The following DLG2 variants were observed in gnomAD, a reference collection of about 807,000 sequenced individuals.
DLG2 encodes discs large MAGUK scaffold protein 2.
Under a neutral mutation model 132.5 loss-of-function variants are expected in DLG2, and 45 were observed. The ratio of observed to expected loss-of-function variants is 0.34; its 90% CI spans 0.27 to 0.44. DLG2 has a LOEUF of 0.44. Among genes scored for constraint, DLG2 ranks in the 20% least tolerant of loss-of-function variants. DLG2 has a pLI of 1.00. For synonymous variants in DLG2, 424 were observed against 419.6 expected, an observed-to-expected ratio of 1.01 and a Z score of -0.13; for missense variants, 1,045 against 1,196.9, an observed-to-expected ratio of 0.87 and a Z score of 1.87.
intron 12 of DLG2, among the ~76,000 whole-genome samples, chr11:83,975,505 T>C (rs1427281007): frequency 6.6e-6 from 1 of 152,074 alleles, no homozygotes; most frequent in Non-Finnish European, 1.5e-5. Context: ...TTATTTAAAA[T>C]ACCAAGAGGT....
intron 4 of DLG2, among the ~76,000 whole-genome samples, chr11:85,191,152 G>GCA (rs1400129477): frequency 1.3e-4 from 17 of 127,328 alleles, no homozygotes; most frequent in African/African-American, 5.3e-4. Flanking sequence ...ATGCGCGCGC[G>GCA]CGCACGCGCG....
chr11:85,284,895 AT>A (rs2078459860), intron 4 of DLG2, among the ~76,000 whole-genome samples: 1 of 151,798 alleles, frequency 6.6e-6, no homozygotes. Context: ...ACACTTCCCT[AT>A]TCTACCATCC....
chr11:85,506,136 G>C (rs966237726), intron 3 of DLG2, among the ~76,000 whole-genome samples: 55 of 151,654 alleles, frequency 3.6e-4, no homozygotes, highest in South Asian at 1.0e-3. Flanking sequence ...CTGGCTAGTG[G>C]TCTATTTTGT....
At chr11:85,510,567 T>C (rs1184479670) in intron 3 of DLG2, among the ~76,000 whole-genome samples, 2 of 151,372 alleles carry the variant, frequency 1.3e-5, no homozygotes, top group Non-Finnish European at 2.9e-5. Flanking sequence ...GCAAAGGATA[T>C]GAACAGACAC....
At chr11:85,202,458 C>G (rs937134605) in intron 4 of DLG2, among the ~76,000 whole-genome samples, 1 of 152,042 alleles carries the variant, frequency 6.6e-6, no homozygotes, top group Admixed American at 6.6e-5. Context: ...GGGACTTTAG[C>G]ACCCTATTTT....
At chr11:84,966,358 C>A (rs1469751393) in intron 6 of DLG2, among the ~76,000 whole-genome samples, 1 of 152,072 alleles carries the variant, frequency 6.6e-6, no homozygotes. Flanking sequence ...CCATCTTTCT[C>A]ACATAATATG....
intron 7 of DLG2, among the ~76,000 whole-genome samples, chr11:84,254,856 T>C (rs11233965): frequency 0.021 from 3,241 of 152,270 alleles, 110 homozygotes; most frequent in African/African-American, 0.073. Context: ...TGCTAACACC[T>C]ACCTCTCTAA....
intron 21 of DLG2, among the ~76,000 whole-genome samples, chr11:83,498,085 T>C (rs2094245675): frequency 6.6e-6 from 1 of 152,158 alleles, no homozygotes; most frequent in South Asian, 2.1e-4. Flanking sequence ...TTAGTTGTAC[T>C]ATACTTTTCT....
chr11:83,477,264 G>A (rs879728369), intron 22 of DLG2, among the ~76,000 whole-genome samples: 1 of 152,070 alleles, frequency 6.6e-6, no homozygotes, highest in Non-Finnish European at 1.5e-5. Flanking sequence ...ATACAGAACA[G>A]CCAAAAATAC....
chr11:83,825,354 T>C (rs576290496), intron 17 of DLG2, among the ~76,000 whole-genome samples: 4 of 151,688 alleles, frequency 2.6e-5, no homozygotes, highest in African/African-American at 4.8e-5. Context: ...GCTAATTTTG[T>C]ATTTTTAGTA....
intron 6 of DLG2, among the ~76,000 whole-genome samples, chr11:84,544,456 A>C (rs1257356484): frequency 6.6e-6 from 1 of 152,202 alleles, no homozygotes; most frequent in Non-Finnish European, 1.5e-5. Context: ...TCTCATTTCC[A>C]AATGAGAAAA....
At chr11:84,799,635 A>T (rs1263107865) in intron 6 of DLG2, among the ~76,000 whole-genome samples, 1 of 152,082 alleles carries the variant, frequency 6.6e-6, no homozygotes. Flanking sequence ...ATCCTCTATC[A>T]ATTTCTTACG....
At chr11:85,586,076 A>G (rs567306739) in intron 3 of DLG2, among the ~76,000 whole-genome samples, 6 of 152,200 alleles carry the variant, frequency 3.9e-5, no homozygotes, top group Non-Finnish European at 8.8e-5. Context: ...TATGAAAACC[A>G]CTTGATTATG....
chr11:84,298,544 T>C (rs551241803), intron 7 of DLG2, among the ~76,000 whole-genome samples: 5 of 152,336 alleles, frequency 3.3e-5, no homozygotes, highest in Admixed American at 6.5e-5. Flanking sequence ...GGTCCTATCC[T>C]GGCAATAAAG....
At chr11:85,186,890 A>C (rs1447730374) in intron 4 of DLG2, among the ~76,000 whole-genome samples, 1 of 152,130 alleles carries the variant, frequency 6.6e-6, no homozygotes, top group Non-Finnish European at 1.5e-5. Flanking sequence ...TATTAACAGT[A>C]AGTTAAGAAT....
intron 7 of DLG2, among the ~76,000 whole-genome samples, chr11:84,346,339 G>C (rs934747511): frequency 4.6e-5 from 7 of 152,182 alleles, no homozygotes; most frequent in African/African-American, 1.7e-4. Flanking sequence ...ACTTAGCATA[G>C]TGTCTTAATT....
intron 19 of DLG2, among the ~76,000 whole-genome samples, chr11:83,590,232 A>T (rs912622789): frequency 5.9e-5 from 9 of 151,538 alleles, no homozygotes; most frequent in Non-Finnish European, 5.9e-5. Context: ...TTGACCACAT[A>T]GTTGGAAGTA....
At chr11:85,098,514 G>A (rs2070300145) in intron 6 of DLG2, among the ~76,000 whole-genome samples, 1 of 152,158 alleles carries the variant, frequency 6.6e-6, no homozygotes, top group Admixed American at 6.6e-5. Flanking sequence ...TTTTAGCCCA[G>A]AATGCATTTT....
chr11:84,048,664 A>G (rs1400736555), intron 11 of DLG2, among the ~76,000 whole-genome samples: 1 of 151,726 alleles, frequency 6.6e-6, no homozygotes, highest in African/African-American at 2.4e-5. Context: ...GATACAGTAA[A>G]CGGTTGGGTG....
Sources: gnomAD v4.1 joint callset for allele counts (sites outside exome capture counted in the v4.1 genomes callset) on GRCh38, gnomAD v4.1.1 for gene constraint, MANE v1.5 for transcripts, NCBI Gene and HGNC (gene_info 2026-07-23, HGNC 2026-07-21) for gene names.